Variants in PDSS2 observed in about 807,000 individuals in gnomAD.
PDSS2 encodes the protein decaprenyl diphosphate synthase subunit 2, also known as all trans-polyprenyl-diphosphate synthase PDSS2.
A neutral mutation model predicts 44.5 loss-of-function variants in PDSS2; 31 were observed. The observed-to-expected ratio is 0.70, with a 90% CI of 0.52 to 0.94. The LOEUF (loss-of-function observed/expected upper bound fraction) is 0.94, where lower values mean the gene tolerates loss of function less well. Among genes scored for constraint, PDSS2 ranks in the 40% least tolerant of loss-of-function variants. PDSS2 has a pLI of 0.00. For missense variants in PDSS2, 452 were observed against 482.2 expected, an observed-to-expected ratio of 0.94 and a Z score of 0.59; for synonymous variants, 157 against 180.3, an observed-to-expected ratio of 0.87 and a Z score of 1.03.
At chr6:107,335,161 CAAAAAAAA>C (rs765731620) in intron 1 of PDSS2, among the ~76,000 whole-genome samples, 3 of 64,160 alleles carry the variant, frequency 4.7e-5, no homozygotes, top group African/African-American at 1.2e-4. Flanking sequence ...ACTCTGTTTC[CAAAAAAAA>C]AAAAAAAAAA....
Position 107,269,340 on chromosome 6 carries a change from C to CTGTGTGTGTGTG in PDSS2, c.630+4677_630+4688dup, listed in dbSNP as rs58803876. On this transcript the variant is annotated intron_variant, in intron 3 of 7. Coordinates refer to ENST00000369037, the MANE Select transcript of PDSS2 (RefSeq NM_020381.4). ...GCCTTCTCAATCTCATTTCGTGTGT[C>CTGTGTGTGTGTG]TGTGTGTGTGTGTGTGTGTGTGTGT... 5.8e-3 allele frequency among the ~76,000 whole-genome samples: 828 copies of CTGTGTGTGTGTG among 143,294 alleles called. 11 individuals carry two copies. The highest frequency in any genetic ancestry group is 0.018 in the Middle Eastern group (5 of 284). 94.0% of individuals were successfully genotyped at this position (143,294 alleles called of 152,430 possible).
chr6:107,342,780 A>C (rs917503336), intron 1 of PDSS2, among the ~76,000 whole-genome samples: 1 of 152,164 alleles, frequency 6.6e-6, no homozygotes, highest in East Asian at 1.9e-4. Flanking sequence ...TCTATCAGCA[A>C]TCCAAATTAC....
intron 2 of PDSS2, among the ~76,000 whole-genome samples, chr6:107,328,600 G>A (rs1274792427): frequency 1.3e-5 from 2 of 152,066 alleles, no homozygotes; most frequent in Admixed American, 6.6e-5. Flanking sequence ...CTGCCTCACA[G>A]AGTTCTCATT....
At chr6:107,257,525 A>G (rs918195394) in intron 3 of PDSS2, among the ~76,000 whole-genome samples, 2 of 152,204 alleles carry the variant, frequency 1.3e-5, no homozygotes, top group Admixed American at 6.5e-5. Context: ...GTACAGAGTG[A>G]GACTCTGTCT....
At chr6:107,429,884 C>CAAAAAAAAA (rs1163895804) in intron 1 of PDSS2, among the ~76,000 whole-genome samples, 14 of 5,380 alleles carry the variant, frequency 2.6e-3, no homozygotes, top group African/African-American at 5.5e-3. Context: ...AACTTAGTCT[C>CAAAAAAAAA]AAAAAAAAAA....
chr6:107,449,464 G>A (rs1373595233), intron 1 of PDSS2, among the ~76,000 whole-genome samples: 1 of 152,006 alleles, frequency 6.6e-6, no homozygotes, highest in Non-Finnish European at 1.5e-5. Context: ...TCCAGTCCCT[G>A]GAGACCACCT....
At chr6:107,342,180 T>C (rs1169786458) in intron 1 of PDSS2, among the ~76,000 whole-genome samples, 2 of 147,330 alleles carry the variant, frequency 1.4e-5, no homozygotes, top group Non-Finnish European at 3.0e-5. Context: ...TGACACAGAA[T>C]AGTTCTAAAA....
intron 3 of PDSS2, among the ~76,000 whole-genome samples, chr6:107,246,361 T>C (rs781558875): frequency 2.6e-5 from 4 of 152,180 alleles, no homozygotes; most frequent in East Asian, 1.9e-4. Context: ...TTTGAGAGGA[T>C]AAAATAGTGG....
intron 7 of PDSS2, among the ~76,000 whole-genome samples, chr6:107,163,190 C>T (rs1046816702): frequency 6.6e-6 from 1 of 152,156 alleles, no homozygotes; most frequent in Non-Finnish European, 1.5e-5. Context: ...AACTAAATAT[C>T]TGATGATAGC....
chr6:107,295,178 C>T (rs1288349901), intron 2 of PDSS2, among the ~76,000 whole-genome samples: 1 of 152,188 alleles, frequency 6.6e-6, no homozygotes, highest in Non-Finnish European at 1.5e-5. Context: ...AGGTGATCCA[C>T]CTGCCTCAGC....
At position 107,193,858 on chromosome 6, in the gene PDSS2, CAAAAG is replaced by C; in HGVS notation, c.1009-9_1009-5del. On this transcript the variant is annotated splice_region_variant and splice_polypyrimidine_tract_variant and intron_variant, in intron 6 of 7. Coordinates refer to ENST00000369037, the MANE Select transcript of PDSS2 (RefSeq NM_020381.4). The stretch of plus-strand genomic sequence containing the variant: ...CCAATCTTCCTTTTTCTTGAGCCTA[CAAAAG>C]AAGAGGGGAAAATTAATTTGTTACT... 19 of 1,567,188 alleles carry C rather than the reference CAAAAG, an allele frequency of 1.2e-5. No individual in the cohort carries two copies. Among genetic ancestry groups the C allele is most frequent in the Non-Finnish European group, 1.5e-5 (17 of 1,137,250 alleles).
At chr6:107,362,642 T>C (rs1463330873) in intron 1 of PDSS2, among the ~76,000 whole-genome samples, 1 of 151,832 alleles carries the variant, frequency 6.6e-6, no homozygotes, top group Non-Finnish European at 1.5e-5. Flanking sequence ...AAGTTAGGAG[T>C]CATGCAAGAA....
At chr6:107,321,597 TC>T (rs1323508277) in intron 2 of PDSS2, among the ~76,000 whole-genome samples, 4 of 152,198 alleles carry the variant, frequency 2.6e-5, no homozygotes, top group African/African-American at 9.6e-5. Flanking sequence ...GGACCAGTGC[TC>T]AGTGCTCCCC....
chr6:107,189,654 A>G (rs1173779188), intron 7 of PDSS2, among the ~76,000 whole-genome samples: 2 of 152,038 alleles, frequency 1.3e-5, no homozygotes, highest in African/African-American at 4.8e-5. Flanking sequence ...GGTATTTTTT[A>G]TTGCACGGCA....
At chr6:107,285,705 A>C (rs1776118100) in intron 2 of PDSS2, among the ~76,000 whole-genome samples, 3 of 152,230 alleles carry the variant, frequency 2.0e-5, no homozygotes, top group Non-Finnish European at 2.9e-5. Flanking sequence ...CCTATCTTAC[A>C]CCATAGATAA....
chr6:107,302,810 T>C (rs1165388577), intron 2 of PDSS2, among the ~76,000 whole-genome samples: 1 of 150,926 alleles, frequency 6.6e-6, no homozygotes, highest in African/African-American at 2.4e-5. Flanking sequence ...ACATTGTAGC[T>C]GGTCTGAATT....
chr6:107,427,856 A>T (rs1781055098), intron 1 of PDSS2, among the ~76,000 whole-genome samples: 1 of 152,232 alleles, frequency 6.6e-6, no homozygotes, highest in South Asian at 2.1e-4. Context: ...TATTTCTACA[A>T]ATCCCAACCA....
chr6:107,423,282 C>G (rs1780884612), intron 1 of PDSS2, among the ~76,000 whole-genome samples: 1 of 151,394 alleles, frequency 6.6e-6, no homozygotes, highest in Admixed American at 6.6e-5. Flanking sequence ...AGCTGGACAG[C>G]AAAAAGGGAA....
chr6:107,386,312 T>C (rs891545064), intron 1 of PDSS2, among the ~76,000 whole-genome samples: 1 of 152,000 alleles, frequency 6.6e-6, no homozygotes, highest in African/African-American at 2.4e-5. Context: ...ATTCAAACTT[T>C]GTGATATTAA....
Sources: allele counts gnomAD v4.1 joint callset (sites outside exome capture counted in the v4.1 genomes callset), GRCh38; gene constraint gnomAD v4.1.1; transcripts MANE v1.5; gene names NCBI Gene and HGNC (gene_info 2026-07-23, HGNC 2026-07-21).